RHOBTB1: variants seen among roughly 807,000 people sequenced by gnomAD.
RHOBTB1 encodes rho-related BTB domain-containing protein 1.
A neutral mutation model predicts 71.6 loss-of-function variants in RHOBTB1; 40 were observed. The observed-to-expected ratio is 0.56, with a 90% confidence interval of 0.43 to 0.73. The LOEUF is 0.73. RHOBTB1 is among the 30% of genes least tolerant of loss of function. The pLI is 0.00. For synonymous variants in RHOBTB1, 319 were observed against 334.9 expected (o/e 0.95, Z 0.52); for missense variants, 797 against 894.0 (o/e 0.89, Z 1.38).
At chr10:60,917,632 G>A (rs1035911386) in intron 2 of RHOBTB1, among the ~76,000 whole-genome samples, 1 of 152,078 alleles carries the variant, frequency 6.6e-6, no homozygotes, top group Non-Finnish European at 1.5e-5. Context: ...TCATCATGGG[G>A]CTCCACCCTC....
At chr10:60,947,212 G>A (rs1400710215), upstream of RHOBTB1, among the ~76,000 whole-genome samples, 1 of 152,090 alleles carries the variant, frequency 6.6e-6, no homozygotes, top group African/African-American at 2.4e-5. Context: ...ATCCATTTTT[G>A]TATACTAAAA....
At chr10:60,908,675 G>GCC (rs2082806508) in intron 4 of RHOBTB1, among the ~76,000 whole-genome samples, 1 of 152,170 alleles carries the variant, frequency 6.6e-6, no homozygotes, top group South Asian at 2.1e-4. Flanking sequence ...CCATAAAAAT[G>GCC]TAACTTTTTG....
chr10:60,861,161 G>A, the RHOBTB1 span, among the ~76,000 whole-genome samples: 1 of 152,180 alleles, frequency 6.6e-6, no homozygotes. Context: ...AAAATAGGGT[G>A]AAGATGAGAA....
intron 2 of RHOBTB1, among the ~76,000 whole-genome samples, chr10:60,953,976 TTAACTC>T (rs10538288): frequency 0.51 from 76,567 of 151,492 alleles, 19,652 homozygotes; most frequent in East Asian, 0.76. Flanking sequence ...TAAATTTACT[TTAACTC>T]TATTCCATGT....
At chr10:60,993,694 T>A (rs930322333) in intron 1 of RHOBTB1, among the ~76,000 whole-genome samples, 1 of 152,174 alleles carries the variant, frequency 6.6e-6, no homozygotes, top group African/African-American at 2.4e-5. Context: ...TGCTCTACGG[T>A]GTATATTTTA....
intron 1 of RHOBTB1, among the ~76,000 whole-genome samples, chr10:60,986,413 A>ATATAT (rs1554860048): frequency 4.9e-5 from 7 of 143,198 alleles, no homozygotes; most frequent in African/African-American, 7.7e-5. Flanking sequence ...AGATATATAT[A>ATATAT]TATATATATA....
intron 1 of RHOBTB1, among the ~76,000 whole-genome samples, chr10:60,990,412 A>G (rs1340316398): frequency 2.6e-5 from 4 of 152,224 alleles, no homozygotes; most frequent in Non-Finnish European, 5.9e-5. Flanking sequence ...GATGCAAGAC[A>G]TGAACACGTA....
chr10:60,982,392 T>C (rs1322455197), intron 2 of RHOBTB1, among the ~76,000 whole-genome samples: 21 of 152,188 alleles, frequency 1.4e-4, no homozygotes, highest in Admixed American at 1.4e-3. Flanking sequence ...AACATAATTA[T>C]ACTAAGATTT....
intron 7 of RHOBTB1, among the ~76,000 whole-genome samples, chr10:60,878,891 G>T (rs949840082): frequency 6.6e-6 from 1 of 152,224 alleles, no homozygotes; most frequent in African/African-American, 2.4e-5. Context: ...TTTTAGGTCT[G>T]TAACTCCATG....
chr10:61,000,389 G>A (rs2087218278), intron 1 of RHOBTB1, among the ~76,000 whole-genome samples: 1 of 152,004 alleles, frequency 6.6e-6, no homozygotes, highest in Admixed American at 6.6e-5. Context: ...CAGATCTGGT[G>A]GCCAACACCA....
chr10:60,989,490 C>A, intron 1 of RHOBTB1, among the ~76,000 whole-genome samples: 1 of 152,178 alleles, frequency 6.6e-6, no homozygotes, highest in Non-Finnish European at 1.5e-5. Context: ...TTTACTCAGC[C>A]TTATCTCTCT....
At chr10:60,880,284 T>C (rs1424102358) in intron 7 of RHOBTB1, among the ~76,000 whole-genome samples, 1 of 142,766 alleles carries the variant, frequency 7.0e-6, no homozygotes, top group Admixed American at 7.0e-5. Context: ...AGAGAGAGAG[T>C]GTATGTATGT....
At position 60,953,833 on chromosome 10, in the gene RHOBTB1, A is replaced by C. The variant is rs116613238; in HGVS notation, c.-61-11979T>G. 8.5e-3 allele frequency among the ~76,000 whole-genome samples: 1,294 copies of C among 152,302 alleles called. 13 individuals are homozygous for C. Among genetic ancestry groups the C allele is most frequent in the African/African-American group, 0.029 (1,215 of 41,562 alleles). On this transcript the variant is annotated intron_variant, in intron 2 of 11. Coordinates refer to the RHOBTB1 transcript ENST00000357917. Reference sequence around the variant, plus strand: ...ATAAATAGAAACACAAAGACACATGAAAAACCCTTTGAAATTCACTTTCAG... The same window carrying C: ...ATAAATAGAAACACAAAGACACATGCAAAACCCTTTGAAATTCACTTTCAG...
intron 4 of RHOBTB1, among the ~76,000 whole-genome samples, chr10:60,895,399 TA>T (rs60921763): frequency 0.3 from 44,675 of 150,000 alleles, 6,806 homozygotes; most frequent in East Asian, 0.58. Flanking sequence ...AAAATAAGAT[TA>T]TTTTTTATTT....
At chr10:60,949,562 C>A (rs2085343017) in intron 2 of RHOBTB1, among the ~76,000 whole-genome samples, 1 of 150,742 alleles carries the variant, frequency 6.6e-6, no homozygotes, top group Non-Finnish European at 1.5e-5. Context: ...TAGGAATCAA[C>A]TAAAAAGTGA....
intron 2 of RHOBTB1, among the ~76,000 whole-genome samples, chr10:60,956,466 ATAAAT>A (rs997075861): frequency 2.0e-5 from 3 of 152,172 alleles, no homozygotes; most frequent in African/African-American, 7.2e-5. Flanking sequence ...TTCTTCATTA[ATAAAT>A]TAATCTTAGG....
chr10:60,889,197 C>G lies in RHOBTB1; in HGVS notation c.483-12G>C. 6.3e-7 allele frequency: 1 copy of G among 1,581,200 alleles called. No individual in the cohort carries two copies. The highest frequency in any genetic ancestry group is 8.6e-7 in the Non-Finnish European group (1 of 1,167,660). On this transcript the variant is annotated splice_polypyrimidine_tract_variant and intron_variant, in intron 5 of 10. Transcript: ENST00000337910. ...CTCTCTTTATGGGCCTGAAATAGAA[C>G]ATTTTAAAAATTATAATCAGCCTTG... is the stretch of plus-strand genomic sequence containing the variant.
intron 4 of RHOBTB1, among the ~76,000 whole-genome samples, chr10:60,901,367 G>A (rs2893868): frequency 0.3 from 45,056 of 152,058 alleles, 9,683 homozygotes; most frequent in African/African-American, 0.61. Flanking sequence ...AAAGTGTTCT[G>A]TAACCGTTAA....
At chr10:60,900,098 G>A (rs2082344175) in intron 4 of RHOBTB1, among the ~76,000 whole-genome samples, 1 of 152,172 alleles carries the variant, frequency 6.6e-6, no homozygotes, top group South Asian at 2.1e-4. Context: ...ACAGTCGTGA[G>A]GGGAAACTGA....
Sources: gnomAD v4.1 joint callset for allele counts (sites outside exome capture counted in the v4.1 genomes callset) on GRCh38, gnomAD v4.1.1 for gene constraint, MANE v1.5 for transcripts, NCBI Gene and HGNC (gene_info 2026-07-23, HGNC 2026-07-21) for gene names.